SIPA1L3: variants seen among roughly 807,000 people sequenced by gnomAD.
SIPA1L3 encodes the protein signal induced proliferation associated 1 like 3.
SIPA1L3 carries 59 observed loss-of-function variants against 150.1 expected under a neutral mutation model. The ratio of observed to expected loss-of-function variants is 0.39; its 90% CI spans 0.32 to 0.49. The LOEUF (loss-of-function observed/expected upper bound fraction) is 0.49. Ranked by LOEUF, SIPA1L3 falls within the 20% of genes least tolerant of loss-of-function variation. SIPA1L3 has a pLI of 0.86. For missense variants in SIPA1L3, 2,211 were observed against 2,489.5 expected, an observed-to-expected ratio of 0.89 and a Z score of 2.38; for synonymous variants, 1,070 against 1,077.6, an observed-to-expected ratio of 0.99 and a Z score of 0.14.
chr19:37,994,606 G>A (rs567666001), intron 1 of SIPA1L3, among the ~76,000 whole-genome samples: 2 of 152,312 alleles, frequency 1.3e-5, no homozygotes, highest in South Asian at 4.1e-4. Context: ...GATGGATGAG[G>A]AAATATACCA....
At chr19:38,196,456 GGAGTGTGGAGGTCAAGGGCA>G (rs1447751856) in intron 18 of SIPA1L3, among the ~76,000 whole-genome samples, 6 of 55,946 alleles carry the variant, frequency 1.1e-4, no homozygotes, top group African/African-American at 2.7e-4. Flanking sequence ...GGTCAAGGGC[GGAGTGTGGAGGTCAAGGGCA>G]GAGTGTGGAT....
chr19:38,102,156 C>G (rs1272255393), intron 6 of SIPA1L3, among the ~76,000 whole-genome samples: 1 of 151,210 alleles, frequency 6.6e-6, no homozygotes, highest in Non-Finnish European at 1.5e-5. Flanking sequence ...AAGGAGTTCT[C>G]CTGCCTCAGC....
chr19:38,134,421 A>C (rs2145925486), intron 10 of SIPA1L3, among the ~76,000 whole-genome samples: 1 of 149,384 alleles, frequency 6.7e-6, no homozygotes, highest in South Asian at 2.1e-4. Context: ...AAAAAAAAAA[A>C]AAAAAAGCCA....
chr19:38,082,998 T>C lies in SIPA1L3; in HGVS notation c.1433T>C (p.Val478Ala). The C allele has an allele frequency of 6.2e-7, 1 of 1,613,314 alleles. No individual in the cohort carries two copies. Residue 478 changes from valine to alanine, a missense_variant, in exon 3 of 22, where the codon GTT becomes GCT. Coordinates refer to ENST00000222345, the MANE Select transcript of SIPA1L3 (RefSeq NM_015073.3). ...RTNASISVLEVPKEQQRTQSR... is the reference protein window; with the variant it reads ...RTNASISVLEAPKEQQRTQSR... ...AACGCCAGCATCTCGGTGTTGGAAG[T>C]TCCCAAGGAGCAGCAGCGGACGCAG...
chr19:38,014,910 C>G (rs1968197704), intron 1 of SIPA1L3, among the ~76,000 whole-genome samples: 1 of 152,078 alleles, frequency 6.6e-6, no homozygotes, highest in Non-Finnish European at 1.5e-5. Context: ...ACCTCATGAT[C>G]CACCCACCTC....
chr19:38,081,628 G>A lies in SIPA1L3; in HGVS notation c.63G>A (p.Arg21=), dbSNP rs758621552. ...ACCTGGCAGCCAGCTGTGGCGCCAG[G>A]GTGGGCGATGTCCTCCCTGGGCCAC... ...GVDLAASCGA[R]VGDVLPGPHT... is the part of the protein sequence containing the mutation. The change falls in exon 3 of 22, where the codon AGG becomes AGA. Residue 21 remains arginine, a synonymous_variant. Transcript: ENST00000222345. 2.5e-6 allele frequency: 4 copies of A among 1,606,002 alleles called. No individual in the cohort carries two copies. Among genetic ancestry groups the A allele is most frequent in the Non-Finnish European group, 3.4e-6 (4 of 1,174,692 alleles).
At chr19:37,971,377 A>G (rs1190763518) in intron 1 of SIPA1L3, among the ~76,000 whole-genome samples, 1 of 152,112 alleles carries the variant, frequency 6.6e-6, no homozygotes, top group Non-Finnish European at 1.5e-5. Flanking sequence ...CACCACCTCA[A>G]AAAGAAACCC....
intron 1 of SIPA1L3, among the ~76,000 whole-genome samples, chr19:38,014,486 C>T (rs181146877): frequency 9.3e-4 from 141 of 151,504 alleles, no homozygotes; most frequent in Admixed American, 9.9e-4. Flanking sequence ...ACTTAATTCA[C>T]GTCCACCCCA....
chr19:38,192,471 T>G (rs1384471571), intron 17 of SIPA1L3, among the ~76,000 whole-genome samples, 161 bp downstream of exon 17: 1 of 152,208 alleles, frequency 6.6e-6, no homozygotes, highest in African/African-American at 2.4e-5. Context: ...GGCTATGGGC[T>G]CATGGCTGGG....
intron 4 of SIPA1L3, among the ~76,000 whole-genome samples, chr19:38,099,390 A>G (rs1357392054): frequency 6.6e-6 from 1 of 150,728 alleles, no homozygotes; most frequent in African/African-American, 2.5e-5. Context: ...ACAGTTCAAG[A>G]TCCAAGATGA....
chr19:38,111,213 G>C (rs1280151134), intron 8 of SIPA1L3, among the ~76,000 whole-genome samples: 1 of 151,602 alleles, frequency 6.6e-6, no homozygotes, highest in Non-Finnish European at 1.5e-5. Context: ...TTTTTTTTTA[G>C]TAGAGATGGG....
chr19:37,985,006 T>C (rs1967309448), intron 1 of SIPA1L3, among the ~76,000 whole-genome samples: 1 of 152,162 alleles, frequency 6.6e-6, no homozygotes, highest in East Asian at 1.9e-4. Context: ...CTTGCTGTCC[T>C]GGAGTACAAG....
rs1309190381 is a variant in SIPA1L3 at position 38,162,492 on chromosome 19, A to G, written c.3780+121A>G. On this transcript the variant is annotated intron_variant, in intron 14 of 21. Transcript: ENST00000222345. Reference sequence around the variant, plus strand: ...ACCTTCCACTCAGCAGAGGGGTTGAATACTTGGTCTGAGTTGGAACCAACC... The same window carrying G: ...ACCTTCCACTCAGCAGAGGGGTTGAGTACTTGGTCTGAGTTGGAACCAACC... 4.1e-6 allele frequency: 3 copies of G among 738,920 alleles called. No homozygotes were observed. In the African/African-American group the frequency reaches 5.2e-5, roughly 13 times the overall value. The allele number at this position is 738,920 out of a possible 1,614,324, so 45.8% of individuals were successfully genotyped here. A position where few individuals can be genotyped will look rare whatever the true frequency, so the allele number is the denominator to read the frequency against.
intron 2 of SIPA1L3, among the ~76,000 whole-genome samples, chr19:38,063,049 C>T (rs1352333648): frequency 2.0e-5 from 3 of 152,180 alleles, no homozygotes; most frequent in South Asian, 2.1e-4. Flanking sequence ...TTGTGAAGCA[C>T]GGGTGACAGT....
At chr19:38,125,829 A>G (rs1376315994) in intron 9 of SIPA1L3, among the ~76,000 whole-genome samples, 1 of 152,236 alleles carries the variant, frequency 6.6e-6, no homozygotes, top group South Asian at 2.1e-4. Flanking sequence ...AGTGATGACC[A>G]TAACAGACCC....
intron 4 of SIPA1L3, among the ~76,000 whole-genome samples, chr19:38,098,349 C>T (rs913646091): frequency 1.3e-5 from 2 of 151,868 alleles, no homozygotes; most frequent in African/African-American, 4.8e-5. Flanking sequence ...TCTCATACCA[C>T]TGCCCATCAC....
intron 1 of SIPA1L3, among the ~76,000 whole-genome samples, chr19:37,947,460 G>A (rs1391860742): frequency 7.3e-5 from 11 of 151,066 alleles, no homozygotes; most frequent in South Asian, 6.3e-4. Context: ...CTGCACTCCA[G>A]CCTGGGCGAC....
chr19:37,935,411 C>G (rs2046591585), intron 1 of SIPA1L3, among the ~76,000 whole-genome samples: 1 of 152,150 alleles, frequency 6.6e-6, no homozygotes, highest in Admixed American at 6.5e-5. Flanking sequence ...TGCTTGTGTT[C>G]AGGAAACTTG....
rs768445302 is a variant in SIPA1L3, at chr19:38,164,754, G to A, written c.4056G>A (p.Gly1352=). The A allele has an allele frequency of 1.2e-6, 2 of 1,612,994 alleles. No individual in the cohort carries two copies. The highest frequency in any genetic ancestry group is 1.7e-6 in the Non-Finnish European group (2 of 1,179,628). The part of the protein sequence containing the change: ...GLCGGGREAA[G]RSHHADRRRE... ...GTGGCGGGGGTCGCGAGGCCGCTGG[G>A]AGGTCCCACCACGCAGACAGGCGGC... The change falls in exon 15 of 22, where the codon GGG becomes GGA. Residue 1352 remains glycine (G), a synonymous_variant. Coordinates refer to ENST00000222345, the MANE Select transcript of SIPA1L3 (RefSeq NM_015073.3). The surrounding 1 kb of genome is among the most constrained non-coding windows in gnomAD (Gnocchi z 4.1).
Sources: gnomAD v4.1 joint callset for allele counts (sites outside exome capture counted in the v4.1 genomes callset) on GRCh38, gnomAD v4.1.1 for gene constraint, Gnocchi (gnomAD v3.1) non-coding constraint, MANE v1.5 for transcripts, NCBI Gene and HGNC (gene_info 2026-07-23, HGNC 2026-07-21) for gene names.